Variants in SCAI observed in about 807,000 individuals in gnomAD.
SCAI encodes the protein protein SCAI.
A neutral mutation model predicts 92.2 loss-of-function variants in SCAI; 24 were observed. The observed-to-expected ratio is 0.26, with a 90% confidence interval of 0.19 to 0.37. The LOEUF is 0.37. SCAI is among the 10% of genes least tolerant of loss of function. The probability of loss-of-function intolerance (pLI) is 1.00; values close to 1 mark genes in which losing one functional copy is unlikely to be tolerated. For missense variants in SCAI, 450 were observed against 736.2 expected (o/e 0.61, Z 4.50); for synonymous variants, 261 against 258.6 (o/e 1.01, Z -0.09).
At chr9:125,040,026 T>C (rs374446060) in intron 3 of SCAI, among the ~76,000 whole-genome samples, 56 of 152,310 alleles carry the variant, frequency 3.7e-4, no homozygotes, top group African/African-American at 1.3e-3. Flanking sequence ...CTCTTGCTTC[T>C]CCTTTCAACT....
intron 2 of SCAI, among the ~76,000 whole-genome samples, chr9:125,137,403 C>T (rs544840066): frequency 1.8e-4 from 27 of 152,324 alleles, no homozygotes; most frequent in African/African-American, 6.3e-4. Context: ...AAACTGTTCT[C>T]TACGTGCCAG....
At chr9:125,032,439 G>C (rs1485199508) in intron 3 of SCAI, among the ~76,000 whole-genome samples, 1 of 149,434 alleles carries the variant, frequency 6.7e-6, no homozygotes, top group Non-Finnish European at 1.5e-5. Flanking sequence ...TGATCCACTC[G>C]CCTCGGCCTC....
intron 6 of SCAI, among the ~76,000 whole-genome samples, chr9:125,024,574 C>T (rs144108271): frequency 7.8e-4 from 119 of 152,230 alleles, no homozygotes; most frequent in African/African-American, 2.7e-3. Context: ...TGTACCCGGC[C>T]ATTTTTTTTA....
chr9:125,014,290 C>G, intron 9 of SCAI, among the ~76,000 whole-genome samples: 1 of 152,164 alleles, frequency 6.6e-6, no homozygotes, highest in Non-Finnish European at 1.5e-5. Flanking sequence ...CCCATTGTCT[C>G]AGCCCAAAAT....
At chr9:125,031,706 C>T (rs1588164293) in intron 3 of SCAI, among the ~76,000 whole-genome samples, 2 of 152,086 alleles carry the variant, frequency 1.3e-5, no homozygotes, top group South Asian at 2.1e-4. Flanking sequence ...ACATTTATAA[C>T]TCTTTCCATA....
intron 17 of SCAI, chr9:124,968,666 T>C: frequency 4.0e-6 from 5 of 1,247,920 alleles, no homozygotes; most frequent in Non-Finnish European, 5.9e-6. Context: ...CTACAGAGCC[T>C]GGGTGGCCCA....
chr9:124,961,375 C>T (rs192840976), intron 17 of SCAI, among the ~76,000 whole-genome samples: 1 of 151,958 alleles, frequency 6.6e-6, no homozygotes, highest in East Asian at 1.9e-4. Flanking sequence ...TGGTGTCAGG[C>T]GTGGTGGCTC....
At chr9:125,121,874 A>T (rs903215835) in intron 2 of SCAI, among the ~76,000 whole-genome samples, 1 of 152,176 alleles carries the variant, frequency 6.6e-6, no homozygotes, top group Non-Finnish European at 1.5e-5. Flanking sequence ...AATAAATAAA[A>T]AATAAAGAGT....
intron 2 of SCAI, among the ~76,000 whole-genome samples, chr9:125,089,803 C>T (rs1290104189): frequency 6.6e-6 from 1 of 152,054 alleles, no homozygotes; most frequent in Admixed American, 6.6e-5. Flanking sequence ...CTCCTGGGCT[C>T]AAGTGATCCT....
At chr9:124,986,231 C>T (rs1158582903) in intron 14 of SCAI, among the ~76,000 whole-genome samples, 1 of 152,102 alleles carries the variant, frequency 6.6e-6, no homozygotes, top group Non-Finnish European at 1.5e-5. Context: ...GCGGAGATTG[C>T]AGTGAGCCGA....
At chr9:125,092,469 A>G (rs1834452520) in intron 2 of SCAI, among the ~76,000 whole-genome samples, 1 of 152,106 alleles carries the variant, frequency 6.6e-6, no homozygotes, top group South Asian at 2.1e-4. Flanking sequence ...ACAACAACAA[A>G]AAACCACCAG....
intron 3 of SCAI, among the ~76,000 whole-genome samples, chr9:125,042,746 A>G (rs1339058243): frequency 2.0e-5 from 3 of 151,064 alleles, no homozygotes; most frequent in Non-Finnish European, 2.9e-5. Context: ...TTCAAATTCA[A>G]ACCTTCTACC....
intron 6 of SCAI, among the ~76,000 whole-genome samples, chr9:125,026,381 A>AG (rs1308600958): frequency 3.8e-4 from 32 of 84,968 alleles, no homozygotes; most frequent in African/African-American, 2.0e-3. Context: ...CTCCACCTCC[A>AG]AAAAAAAAAA....
chr9:125,122,850 G>A (rs1835183656), intron 2 of SCAI, among the ~76,000 whole-genome samples: 1 of 152,172 alleles, frequency 6.6e-6, no homozygotes, highest in East Asian at 1.9e-4. Context: ...AGGCTGCAGT[G>A]AGCCAAGATC....
Position 125,018,788 on chromosome 9 carries a change from C to G in SCAI, c.861+11G>C. ...GTGAATTTTAAGCATAATTCCTTCACAATTCTTTACCTGATTATTACAATT... is the reference window on the plus strand; with the variant it reads ...GTGAATTTTAAGCATAATTCCTTCAGAATTCTTTACCTGATTATTACAATT... On this transcript the variant is annotated intron_variant, in intron 9 of 17. Transcript: ENST00000336505. 8.1e-6 allele frequency: 13 copies of G among 1,596,658 alleles called. No homozygotes were observed. The highest frequency in any genetic ancestry group is 1.1e-5 in the Non-Finnish European group (13 of 1,171,658).
chr9:125,063,109 C>CG (rs199716346), intron 2 of SCAI, among the ~76,000 whole-genome samples: 1,734 of 149,792 alleles, frequency 0.012, 24 homozygotes, highest in African/African-American at 0.039. Flanking sequence ...CCCACCCCCC[C>CG]CAGAAAAGGG....
intron 9 of SCAI, among the ~76,000 whole-genome samples, chr9:125,008,467 C>A (rs1451575019): frequency 6.6e-6 from 1 of 152,034 alleles, no homozygotes; most frequent in Non-Finnish European, 1.5e-5. Flanking sequence ...AATGGGGTTT[C>A]ATCATGCTGC....
chr9:125,010,677 C>T (rs954206247), intron 9 of SCAI, among the ~76,000 whole-genome samples: 1 of 152,198 alleles, frequency 6.6e-6, no homozygotes, highest in Non-Finnish European at 1.5e-5. Context: ...TTGAAGACAG[C>T]AGTGGTTCTC....
intron 6 of SCAI, among the ~76,000 whole-genome samples, chr9:125,024,420 C>T (rs558150077): frequency 2.6e-5 from 4 of 151,962 alleles, no homozygotes; most frequent in South Asian, 2.1e-4. Flanking sequence ...GGACTACAGG[C>T]GCGTGCCACC....
Sources: gnomAD v4.1 joint callset for allele counts (sites outside exome capture counted in the v4.1 genomes callset) on GRCh38, gnomAD v4.1.1 for gene constraint, MANE v1.5 for transcripts, NCBI Gene and HGNC (gene_info 2026-07-23, HGNC 2026-07-21) for gene names.